LAMA5: variants seen among roughly 807,000 people sequenced by gnomAD.
LAMA5 encodes laminin subunit alpha-5.
A neutral mutation model predicts 433.4 loss-of-function variants in LAMA5; 260 were observed. The ratio of observed to expected loss-of-function variants is 0.60; its 90% CI spans 0.54 to 0.66. The LOEUF (loss-of-function observed/expected upper bound fraction) is 0.66. LAMA5 is among the 30% of genes least tolerant of loss of function. The probability of loss-of-function intolerance (pLI) is 0.00; values close to 1 mark genes in which losing one functional copy is unlikely to be tolerated. For synonymous variants in LAMA5, 2,620 were observed against 2,226.6 expected (o/e 1.18, Z -4.97); for missense variants, 5,378 against 5,258.5 (o/e 1.02, Z -0.70).
chr20:62,319,467 C>T (rs1028219236), intron 51 of LAMA5, among the ~76,000 whole-genome samples: 4 of 152,114 alleles, frequency 2.6e-5, no homozygotes, highest in African/African-American at 7.2e-5. Flanking sequence ...GGGAGGCTGT[C>T]GAGGGGTCTG....
rs542983791 is a variant in LAMA5 at position 62,327,939 on chromosome 20, C to T, written c.4724G>A (p.Arg1575His). The T allele has an allele frequency of 3.7e-5, 60 of 1,612,436 alleles. No individual in the cohort carries two copies. Among genetic ancestry groups the T allele is most frequent in the East Asian group, 8.9e-5 (4 of 44,864 alleles). ...SPGFHGYPRC[R>H]PCDCHEAGTA... ...GCCCGCCTCGTGACAGTCACAGGGG[C>T]GGCAGCGGGGGTAGCCATGGAAGCC... The change falls in exon 36 of 80, where the codon CGC becomes CAC. Residue 1575 changes from arginine (R) to histidine (H), a missense_variant. Arg to His is a conservative substitution (Grantham distance 29). Coordinates refer to ENST00000252999, the MANE Select transcript of LAMA5 (RefSeq NM_005560.6).
chr20:62,324,512 G>C lies in LAMA5; in HGVS notation c.5572C>G (p.Leu1858Val), dbSNP rs1487180102. 1.2e-6 allele frequency: 2 copies of C among 1,612,400 alleles called. No homozygotes were observed. Among genetic ancestry groups the C allele is most frequent in the Non-Finnish European group, 1.7e-6 (2 of 1,179,790 alleles). The stretch of plus-strand genomic sequence containing the variant: ...CACTGACAAGGGACACATCGGCCCA[G>C]GAAGAGACCTTTGACGTCCCGATAG... ...GFYRDVKGLF[L>V]GRCVPCQCHG... Residue 1858 changes from leucine (L) to valine (V), a missense_variant, in exon 42 of 80, where the codon CTG (leucine) becomes GTG (valine). Coordinates refer to ENST00000252999, the MANE Select transcript of LAMA5 (RefSeq NM_005560.6). The surrounding 1 kb of genome is among the most constrained non-coding windows in gnomAD (Gnocchi z 4.4).
intron 48 of LAMA5, 136 bp from the exon 49 acceptor site, chr20:62,321,026 G>A (rs2146107531): frequency 2.2e-6 from 2 of 929,478 alleles, no homozygotes; most frequent in Non-Finnish European, 3.2e-6. Flanking sequence ...CACAGGACCT[G>A]TGGGGAGGTC....
Position 62,352,323 on chromosome 20 carries a change from C to T in LAMA5, c.606G>A (p.Gln202=). 4.4e-6 allele frequency: 7 copies of T among 1,599,828 alleles called. No individual in the cohort carries two copies. The highest frequency in any genetic ancestry group is 5.9e-6 in the Non-Finnish European group (7 of 1,179,712). The change falls in exon 4 of 80, where the codon CAG becomes CAA. Residue 202 remains glutamine (Q), a synonymous_variant. Coordinates refer to ENST00000252999, the MANE Select transcript of LAMA5 (RefSeq NM_005560.6). The part of the protein sequence containing the change: ...KRDCLERFGP[Q]TLERITRDDA... The stretch of plus-strand genomic sequence containing the variant: ...CGTCCCGTGTGATGCGCTCCAGCGT[C>T]TGTGGCCCGAACCGCTCCAGACAGT...
At position 62,328,908 on chromosome 20, in the gene LAMA5, G is replaced by C; in HGVS notation, c.4383C>G (p.Ala1461=). The C allele has an allele frequency of 1.9e-6, 3 of 1,611,742 alleles. No homozygotes were observed. In the South Asian group the frequency reaches 3.3e-5, roughly 18 times the overall value. ...EPFGGQCPCH[A]HVIGRDCSRC... ...GGGAGCAGTCACGGCCAATGACATGGGCATGGCAGGGACACTGGCCCCCGA... is the reference window on the plus strand; with the variant it reads ...GGGAGCAGTCACGGCCAATGACATGCGCATGGCAGGGACACTGGCCCCCGA... Residue 1461 remains alanine, a synonymous_variant, in exon 34 of 80, where the codon GCC becomes GCG. Coordinates refer to ENST00000252999, the MANE Select transcript of LAMA5 (RefSeq NM_005560.6).
In LAMA5 at chr20:62,335,053, C is replaced by A; in HGVS notation, c.2450G>T (p.Gly817Val). 5 of 1,612,974 alleles carry A rather than the reference C, an allele frequency of 3.1e-6. No individual in the cohort carries two copies. The highest frequency in any genetic ancestry group is 4.2e-6 in the Non-Finnish European group (5 of 1,179,710). Residue 817 changes from glycine (G) to valine (V), a missense_variant, in exon 20 of 80, where the codon GGA (glycine) becomes GTA (valine). Gly to Val is a moderately radical substitution (Grantham distance 109). Transcript: ENST00000252999. ...ACASCKDGFF[G>V]LDQADYFGCR... ...GCCAAAATAGTCAGCCTGATCCAGT[C>A]CAAAGAAGCCATCCTTGCAGGACGC...
At chr20:62,315,306 A>T in intron 58 of LAMA5, 99 bp from the exon 59 acceptor site, 5 of 1,037,548 alleles carry the variant, frequency 4.8e-6, no homozygotes, top group Non-Finnish European at 7.0e-6. Flanking sequence ...GGGACATCCA[A>T]CCCCCTATGG....
Position 62,322,467 on chromosome 20 carries a change from C to A in LAMA5, c.6166-18G>T. 4 of 1,562,344 alleles carry A rather than the reference C, an allele frequency of 2.6e-6. No homozygotes were observed. Among genetic ancestry groups the A allele is most frequent in the South Asian group, 1.2e-5 (1 of 85,340 alleles). On this transcript the variant is annotated intron_variant, in intron 46 of 79. Coordinates refer to ENST00000252999, the MANE Select transcript of LAMA5 (RefSeq NM_005560.6). ...TGTCCCTCCTGTGGCACAGGCTGGTCACTGCCCTGCCCAGCCCTCAAGACT... is the reference window on the plus strand; with the variant it reads ...TGTCCCTCCTGTGGCACAGGCTGGTAACTGCCCTGCCCAGCCCTCAAGACT...
rs1233576153 is a variant in LAMA5 at position 62,324,637 on chromosome 20, G to C, written c.5530-83C>G. On this transcript the variant is annotated intron_variant, in intron 41 of 79. Coordinates refer to ENST00000252999, the MANE Select transcript of LAMA5 (RefSeq NM_005560.6). The surrounding 1 kb of genome is among the most constrained non-coding windows in gnomAD (Gnocchi z 4.4). ...TGCAAGCTCACAAGTCAGACCCTCA[G>C]GGATCCTGCAGGCACGAGGCACTGG... 3 of 875,610 alleles carry C rather than the reference G, an allele frequency of 3.4e-6. No individual in the cohort carries two copies. The highest frequency in any genetic ancestry group is 5.6e-6 in the Non-Finnish European group (3 of 533,734). 54.2% of individuals were successfully genotyped at this position (875,610 alleles called of 1,614,324 possible).
At chr20:62,321,047 G>A (rs910116232) in intron 48 of LAMA5, among the ~76,000 whole-genome samples, 157 bp from the exon 49 acceptor site, 1 of 151,528 alleles carries the variant, frequency 6.6e-6, no homozygotes, top group Admixed American at 6.6e-5. Context: ...CCAGAGTTCT[G>A]GCAGAGTCAT....
At chr20:62,345,065 G>C (rs995376102) in intron 11 of LAMA5, among the ~76,000 whole-genome samples, 1 of 151,330 alleles carries the variant, frequency 6.6e-6, no homozygotes, top group African/African-American at 2.4e-5. Context: ...TTGCCCAGGC[G>C]GGGGTGCAGT....
chr20:62,318,304 GAAGAAGAGGAGGAGGGGGGGAGGA>G lies in LAMA5; in HGVS notation c.7239+126_7239+149del. 4.7e-5 allele frequency: 14 copies of G among 300,702 alleles called. 1 individual carries two copies. The highest frequency in any genetic ancestry group is 4.6e-5 in the Non-Finnish European group (8 of 175,432). The allele number at this position is 300,702 out of a possible 1,614,324, so 18.6% of individuals were successfully genotyped here. A position where few individuals can be genotyped will look rare whatever the true frequency, so the allele number is the denominator to read the frequency against. ...GAGGGGAGGAAGAGGAGGAGGGGGG[GAAGAAGAGGAGGAGGGGGGGAGGA>G]CGAGGGAGGGGAGGACGGAGGGAGG... On this transcript the variant is annotated intron_variant, in intron 53 of 79. Transcript: ENST00000252999.
rs1485435022 is a variant in LAMA5, at chr20:62,322,054, G to A, written c.6461C>T (p.Pro2154Leu). 6 of 1,599,710 alleles carry A rather than the reference G, an allele frequency of 3.8e-6. No individual in the cohort carries two copies. Among genetic ancestry groups the A allele is most frequent in the East Asian group, 2.2e-5 (1 of 44,858 alleles). The change falls in exon 48 of 80, where the codon CCA becomes CTA. Residue 2154 changes from proline to leucine, a missense_variant. By Grantham distance (98) the Pro-to-Leu change is moderately conservative (BLOSUM62 -3). Transcript: ENST00000252999. ...GATGCTGTGGCCCACAGGCCCGCCT[G>A]GAACAGGCACCTGATGCTGCTGGCT... The part of the protein sequence containing the change: ...TCSQQHQVPV[P>L]GGPVGHSIHC...
intron 2 of LAMA5, among the ~76,000 whole-genome samples, chr20:62,355,009 G>A (rs1257209824): frequency 1.3e-5 from 2 of 152,200 alleles, no homozygotes; most frequent in Non-Finnish European, 2.9e-5. Context: ...GGTGTGGCCT[G>A]CCTGTCCCGG....
At chr20:62,318,127 G>A (rs575264903) in intron 53 of LAMA5, among the ~76,000 whole-genome samples, 1 of 9,194 alleles carries the variant, frequency 1.1e-4, no homozygotes, top group African/African-American at 6.4e-4. Flanking sequence ...AAGGGATGAG[G>A]ATTGGGGAGG....
At chr20:62,362,235 T>C (rs889404133) in intron 2 of LAMA5, among the ~76,000 whole-genome samples, 165 bp downstream of exon 2, 1 of 152,192 alleles carries the variant, frequency 6.6e-6, no homozygotes, top group East Asian at 1.9e-4. Flanking sequence ...TGCCGTGCCT[T>C]TGTCCCTGTG....
Position 62,328,023 on chromosome 20 carries a change from C to T in LAMA5, c.4653-13G>A, listed in dbSNP as rs368092656. Reference sequence around the variant, plus strand: ...GTTGGGTCTGCACCTGTGGCAGGGGCGGGAGCTGAGCCCCCTCCACCCCAG... The same window carrying T: ...GTTGGGTCTGCACCTGTGGCAGGGGTGGGAGCTGAGCCCCCTCCACCCCAG... On this transcript the variant is annotated splice_polypyrimidine_tract_variant and intron_variant, in intron 35 of 79. Transcript: ENST00000252999. The T allele has an allele frequency of 1.5e-5, 24 of 1,610,426 alleles. No individual in the cohort carries two copies. The highest frequency in any genetic ancestry group is 1.2e-4 in the African/African-American group (9 of 74,830).
chr20:62,334,479 G>T, intron 21 of LAMA5, 43 bp downstream of exon 21: 1 of 1,526,242 alleles, frequency 6.6e-7, no homozygotes, highest in Non-Finnish European at 8.8e-7. Context: ...AGGACAAGCT[G>T]CCTGCCCCGC....
At chr20:62,340,439 G>A (rs1196220537) in intron 11 of LAMA5, among the ~76,000 whole-genome samples, 1 of 149,756 alleles carries the variant, frequency 6.7e-6, no homozygotes, top group Non-Finnish European at 1.5e-5. Context: ...AGCCTCCCGA[G>A]TAGCTGGGAT....
Sources: allele counts gnomAD v4.1 joint callset (sites outside exome capture counted in the v4.1 genomes callset), GRCh38; gene constraint gnomAD v4.1.1; non-coding constraint Gnocchi (gnomAD v3.1); transcripts MANE v1.5; gene names NCBI Gene and HGNC (gene_info 2026-07-23, HGNC 2026-07-21).